FOXP1: variants seen among roughly 807,000 people sequenced by gnomAD.
FOXP1 encodes the protein forkhead box P1, also known as forkhead box protein P1.
FOXP1 carries 15 observed loss-of-function variants against 98.2 expected under a neutral mutation model. That is an observed-to-expected ratio of 0.15 (90% confidence interval 0.10 to 0.24). The LOEUF is 0.24. FOXP1 is among the 10% of genes least tolerant of loss of function. The pLI is 1.00. For synonymous variants in FOXP1, 371 were observed against 314.5 expected, an observed-to-expected ratio of 1.18 and a Z score of -1.90; for missense variants, 633 against 848.5, an observed-to-expected ratio of 0.75 and a Z score of 3.15.
intron 3 of FOXP1, among the ~76,000 whole-genome samples, chr3:71,388,899 T>C (rs1196584598): frequency 2.0e-5 from 3 of 151,986 alleles, no homozygotes; most frequent in African/African-American, 4.8e-5. Flanking sequence ...GTCTTTATAG[T>C]AACACACTGT....
At chr3:71,428,110 GT>G (rs1336561626) in intron 3 of FOXP1, among the ~76,000 whole-genome samples, 1 of 152,168 alleles carries the variant, frequency 6.6e-6, no homozygotes, top group South Asian at 2.1e-4. Context: ...TAAATACTGT[GT>G]GATAAGGGAA....
intron 3 of FOXP1, among the ~76,000 whole-genome samples, chr3:71,409,419 G>T (rs1022979975): frequency 6.6e-6 from 1 of 152,106 alleles, no homozygotes; most frequent in Non-Finnish European, 1.5e-5. Flanking sequence ...ACTGAGTAAA[G>T]AAATAAACAG....
intron 6 of FOXP1, among the ~76,000 whole-genome samples, chr3:71,171,448 A>C (rs1217288324): frequency 1.3e-5 from 2 of 152,194 alleles, no homozygotes; most frequent in African/African-American, 4.8e-5. Context: ...GCAATCCCGT[A>C]AACAGGCATT....
At chr3:71,025,396 A>G (rs993834747) in intron 11 of FOXP1, among the ~76,000 whole-genome samples, 2 of 152,158 alleles carry the variant, frequency 1.3e-5, no homozygotes, top group Admixed American at 6.5e-5. Flanking sequence ...GGACCATAAC[A>G]TGAGTACCAA....
chr3:71,563,354 C>G (rs891149768), intron 2 of FOXP1, among the ~76,000 whole-genome samples: 6 of 152,136 alleles, frequency 3.9e-5, no homozygotes, highest in African/African-American at 1.4e-4. Flanking sequence ...GATGGCAGAC[C>G]AAGCTGGGCA....
chr3:70,963,591 C>A (rs1419800806), intron 20 of FOXP1, among the ~76,000 whole-genome samples: 3 of 152,184 alleles, frequency 2.0e-5, no homozygotes, highest in Non-Finnish European at 2.9e-5. Flanking sequence ...CGCTGAATAA[C>A]TGTGTGCAAA....
In FOXP1 at chr3:71,182,310, T is replaced by C. The variant is rs529726922; in HGVS notation, c.180+15892A>G. On this transcript the variant is annotated intron_variant, in intron 6 of 20. Coordinates refer to ENST00000649528, the MANE Select transcript of FOXP1 (RefSeq NM_001349338.3). The stretch of plus-strand genomic sequence containing the variant: ...CACAAATTGTATTCCCTTATTCCTA[T>C]GCAAAAAATAAATCTTGTTCAAGGT... 2.0e-5 allele frequency among the ~76,000 whole-genome samples: 3 copies of C among 152,246 alleles called. 1 individual carries two copies. Among genetic ancestry groups the C allele is most frequent in the African/African-American group, 7.2e-5 (3 of 41,560 alleles).
At chr3:71,018,300 C>T (rs367710065) in intron 11 of FOXP1, among the ~76,000 whole-genome samples, 3 of 152,140 alleles carry the variant, frequency 2.0e-5, no homozygotes, top group Non-Finnish European at 2.9e-5. Context: ...GGCCTTAGAA[C>T]GCAATCAGTT....
chr3:71,351,491 C>A (rs2107842204), intron 4 of FOXP1, among the ~76,000 whole-genome samples: 1 of 152,272 alleles, frequency 6.6e-6, no homozygotes, highest in East Asian at 1.9e-4. Context: ...TTTCTTCAAG[C>A]CTAATATTTT....
intron 13 of FOXP1, among the ~76,000 whole-genome samples, 167 bp downstream of exon 13, chr3:71,000,805 A>AAAATT (rs2042028480): frequency 2.7e-5 from 4 of 148,388 alleles, no homozygotes; most frequent in African/African-American, 7.4e-5. Flanking sequence ...AAAATAAAAT[A>AAAATT]AAATAAAATA....
In FOXP1 at chr3:71,239,252, C is replaced by T. The variant is rs117771173; in HGVS notation, c.-11-40860G>A. On this transcript the variant is annotated intron_variant, in intron 5 of 20. Transcript: ENST00000649528. ...CTGTCTCCCTCAATTATATTGAAAA[C>T]CAAAAAGCTGCCCAGGCACGGTGGC... is the stretch of plus-strand genomic sequence containing the variant. 7.1e-4 allele frequency among the ~76,000 whole-genome samples: 108 copies of T among 152,206 alleles called. 2 individuals are homozygous for T. The East Asian group carries it at 0.02, about 28-fold the overall frequency.
Position 70,955,994 on chromosome 3 carries a change from G to A in FOXP1, c.*3253C>T, listed in dbSNP as rs1203575728. 1.7e-5 allele frequency: 4 copies of A among 232,998 alleles called. No individual in the cohort carries two copies. The highest frequency in any genetic ancestry group is 3.4e-5 in the Non-Finnish European group (4 of 118,050). 14.4% of individuals were successfully genotyped at this position (232,998 alleles called of 1,614,324 possible). A position where few individuals can be genotyped will look rare whatever the true frequency, so the allele number is the denominator to read the frequency against. On this transcript the variant is annotated 3_prime_UTR_variant, in exon 21 of 21. Transcript: ENST00000649528. Reference sequence around the variant, plus strand: ...GGAAATGTCATCCAATATTCTTAAAGCAAGGATAACTAAATAAAATACATG... The same window carrying A: ...GGAAATGTCATCCAATATTCTTAAAACAAGGATAACTAAATAAAATACATG...
chr3:71,422,653 C>A (rs911644405), intron 3 of FOXP1, among the ~76,000 whole-genome samples: 1 of 152,154 alleles, frequency 6.6e-6, no homozygotes, highest in Non-Finnish European at 1.5e-5. Flanking sequence ...AAAGAATAAT[C>A]GCCCAAGCTG....
chr3:71,419,234 C>CAAAA (rs36072859), intron 3 of FOXP1, among the ~76,000 whole-genome samples: 8 of 47,820 alleles, frequency 1.7e-4, no homozygotes, highest in African/African-American at 2.1e-4. Context: ...GACTCCATCT[C>CAAAA]AAAAAAAAAA....
intron 2 of FOXP1, among the ~76,000 whole-genome samples, chr3:71,513,472 T>G (rs2042346221): frequency 6.6e-6 from 1 of 152,038 alleles, no homozygotes; most frequent in Admixed American, 6.6e-5. Flanking sequence ...GCCACCATCA[T>G]CTCCCCGCCA....
chr3:71,054,125 T>G (rs2050292560), intron 7 of FOXP1, among the ~76,000 whole-genome samples: 1 of 152,188 alleles, frequency 6.6e-6, no homozygotes, highest in East Asian at 1.9e-4. Flanking sequence ...TAACCCAGAC[T>G]TGAATTTTGT....
chr3:71,280,272 C>T (rs1458254002), intron 5 of FOXP1, among the ~76,000 whole-genome samples: 1 of 151,562 alleles, frequency 6.6e-6, no homozygotes, highest in African/African-American at 2.4e-5. Flanking sequence ...ACATTATCAT[C>T]ATTTTAACCT....
chr3:71,009,577 T>C (rs971623575), intron 12 of FOXP1, among the ~76,000 whole-genome samples: 1 of 152,162 alleles, frequency 6.6e-6, no homozygotes, highest in Admixed American at 6.6e-5. Context: ...TATCAATGCT[T>C]TGCATAGTCA....
intron 20 of FOXP1, 151 bp from the exon 21 acceptor site, chr3:70,959,542 TTGAAA>T (rs1414371090): frequency 1.5e-4 from 120 of 824,592 alleles, no homozygotes; most frequent in Middle Eastern, 1.4e-3. Context: ...GCTCTTTAAA[TTGAAA>T]TGAACGAAAT....
Sources: gnomAD v4.1 joint callset for allele counts (sites outside exome capture counted in the v4.1 genomes callset) on GRCh38, gnomAD v4.1.1 for gene constraint, MANE v1.5 for transcripts, NCBI Gene and HGNC (gene_info 2026-07-23, HGNC 2026-07-21) for gene names.